The following TMEM63C variants were observed in gnomAD, a reference collection of about 807,000 sequenced individuals.
TMEM63C encodes osmosensitive cation channel TMEM63C.
In TMEM63C, 32 loss-of-function variants were observed where a neutral mutation model predicts 99.2. The ratio of observed to expected loss-of-function variants is 0.32; its 90% CI spans 0.24 to 0.43. The LOEUF is 0.43. TMEM63C is among the 20% of genes least tolerant of loss of function. The pLI is 1.00. For synonymous variants in TMEM63C, 376 were observed against 397.9 expected, an observed-to-expected ratio of 0.94 and a Z score of 0.66; for missense variants, 826 against 1,053.0, an observed-to-expected ratio of 0.78 and a Z score of 2.98.
chr14:77,239,858 C>T (rs1889134173), intron 12 of TMEM63C, 132 bp downstream of exon 12: 10 of 1,292,112 alleles, frequency 7.7e-6, no homozygotes, highest in Non-Finnish European at 1.0e-5. Context: ...CACCCAGCTC[C>T]TTCCTCCCCA....
intron 8 of TMEM63C, 91 bp downstream of exon 8, chr14:77,233,591 G>T: frequency 7.4e-7 from 1 of 1,356,554 alleles, no homozygotes. Flanking sequence ...CATGGGCAGC[G>T]TTTTGCTGAT....
rs1889471270 is a variant in TMEM63C, at chr14:77,256,797, G to C, written c.*71G>C. 16 of 1,495,120 alleles carry C rather than the reference G, an allele frequency of 1.1e-5. 1 individual carries two copies. The South Asian group carries it at 1.9e-4, about 18-fold the overall frequency. 92.6% of individuals were successfully genotyped at this position (1,495,120 alleles called of 1,614,324 possible). A position where few individuals can be genotyped will look rare whatever the true frequency, so the allele number is the denominator to read the frequency against. ...AGGGCCTGGCAAGGGGAGGCAGGAG[G>C]GTGGCCTGGACCTCCCCACTACCTC... is the stretch of plus-strand genomic sequence containing the variant. On this transcript the variant is annotated 3_prime_UTR_variant, in exon 24 of 24. Coordinates refer to ENST00000298351, the MANE Select transcript of TMEM63C (RefSeq NM_020431.4).
chr14:77,246,705 C>A, intron 18 of TMEM63C, 31 bp downstream of exon 18: 1 of 1,583,996 alleles, frequency 6.3e-7, no homozygotes, highest in South Asian at 1.1e-5. Flanking sequence ...ACCAGGGCTG[C>A]TGTGTGTGCA....
At chr14:77,218,192 T>G (rs1186702196) in intron 2 of TMEM63C, among the ~76,000 whole-genome samples, 1 of 141,588 alleles carries the variant, frequency 7.1e-6, no homozygotes, top group Non-Finnish European at 1.5e-5. Flanking sequence ...TCTCAGGTAC[T>G]CCATAAATAT....
At chr14:77,218,026 G>A (rs540557311) in intron 2 of TMEM63C, among the ~76,000 whole-genome samples, 1 of 152,196 alleles carries the variant, frequency 6.6e-6, no homozygotes, top group African/African-American at 2.4e-5. Context: ...TAGCACAACA[G>A]GGTGACTATA....
chr14:77,240,431 C>T (rs772886534), intron 12 of TMEM63C, 44 bp from the exon 13 acceptor site: 1 of 1,576,188 alleles, frequency 6.3e-7, no homozygotes, highest in Non-Finnish European at 8.6e-7. Context: ...GGGAGGCCTT[C>T]CTGGGGCTCT....
At position 77,233,921 on chromosome 14, in the gene TMEM63C, C is replaced by T. The variant is rs1488694219; in HGVS notation, c.542+421C>T. On this transcript the variant is annotated intron_variant, in intron 8 of 23. Transcript: ENST00000298351. ...CCCCCTCAGAGTCCCACAGCAGACTCGTGCCCCACCTCTGCCATTAACTGG... is the reference window on the plus strand; with the variant it reads ...CCCCCTCAGAGTCCCACAGCAGACTTGTGCCCCACCTCTGCCATTAACTGG... Among the ~76,000 whole-genome samples, 4 of 152,188 alleles carry T rather than the reference C, an allele frequency of 2.6e-5. 1 individual carries two copies. Among genetic ancestry groups the T allele is most frequent in the Non-Finnish European group, 4.4e-5 (3 of 68,028 alleles).
In TMEM63C at chr14:77,188,848, C is replaced by G. The variant is rs1248682813; in HGVS notation, c.-77+6954C>G. On this transcript the variant is annotated intron_variant, in intron 1 of 23. Transcript: ENST00000298351. Reference sequence around the variant, plus strand: ...GCCACTGCACTATAGCCTGGGCAACCAAACAGAAAAAAAAAGACAGACCTC... The same window carrying G: ...GCCACTGCACTATAGCCTGGGCAACGAAACAGAAAAAAAAAGACAGACCTC... Among the ~76,000 whole-genome samples, 3 of 75,726 alleles carry G rather than the reference C, an allele frequency of 4.0e-5. No homozygotes were observed. The South Asian group carries it at 2.0e-3, about 51-fold the overall frequency. 49.7% of individuals were successfully genotyped at this position (75,726 alleles called of 152,430 possible).
chr14:77,241,059 TC>T (rs1256426902), intron 13 of TMEM63C, among the ~76,000 whole-genome samples: 1 of 150,904 alleles, frequency 6.6e-6, no homozygotes, highest in Non-Finnish European at 1.5e-5. Flanking sequence ...CAAGCGATTC[TC>T]CTGCCTCAGC....
intron 12 of TMEM63C, 129 bp from the exon 13 acceptor site, chr14:77,240,346 G>A: frequency 9.2e-7 from 1 of 1,086,474 alleles, no homozygotes. Flanking sequence ...GGCCAGCCAG[G>A]GTCCTGGGCT....
chr14:77,218,868 G>A lies in TMEM63C; in HGVS notation c.55G>A (p.Val19Met). The A allele has an allele frequency of 6.2e-7, 1 of 1,613,716 alleles. No individual in the cohort carries two copies. Among genetic ancestry groups the A allele is most frequent in the African/African-American group, 1.3e-5 (1 of 75,080 alleles). ...AGGGGGAAGGTTACAGAACATGACA[G>A]TGGATGAATGCTTCCAGTCTCGGAA... ...STGGRLQNMT[V>M]DECFQSRNTV... The change falls in exon 3 of 24, where the codon GTG (valine) becomes ATG (methionine). Residue 19 changes from valine to methionine, a missense_variant. Val to Met is a conservative substitution (Grantham distance 21). Coordinates refer to ENST00000298351, the MANE Select transcript of TMEM63C (RefSeq NM_020431.4).
At position 77,199,392 on chromosome 14, in the gene TMEM63C, A is replaced by G. The variant is rs369454728; in HGVS notation, c.-76-14054A>G. Among the ~76,000 whole-genome samples, 36 of 152,294 alleles carry G rather than the reference A, an allele frequency of 2.4e-4. 1 individual carries two copies. Among genetic ancestry groups the G allele is most frequent in the East Asian group, 1.9e-3 (10 of 5,184 alleles). On this transcript the variant is annotated intron_variant, in intron 1 of 23. Transcript: ENST00000298351. Reference sequence around the variant, plus strand: ...AGTGCAAATCATTCAGCCGAGATTCAGGGCCTCATGATCTGGTCCCAACTT... The same window carrying G: ...AGTGCAAATCATTCAGCCGAGATTCGGGGCCTCATGATCTGGTCCCAACTT...
intron 5 of TMEM63C, among the ~76,000 whole-genome samples, chr14:77,220,869 G>T (rs116946248): frequency 3.9e-5 from 2 of 50,778 alleles, no homozygotes; most frequent in East Asian, 4.4e-4. Flanking sequence ...CTCACGCCCC[G>T]CCTCCCACTC....
At position 77,256,773 on chromosome 14, in the gene TMEM63C, G is replaced by A. The variant is rs1889470891; in HGVS notation, c.*47G>A. ...GGCGACTTGTTGAGGGGTCAGGGGA[G>A]GGCCTGGCAAGGGGAGGCAGGAGGG... On this transcript the variant is annotated 3_prime_UTR_variant, in exon 24 of 24. Transcript: ENST00000298351. 6.3e-7 allele frequency: 1 copy of A among 1,587,166 alleles called. No individual in the cohort carries two copies. The highest frequency in any genetic ancestry group is 1.1e-5 in the South Asian group (1 of 89,142).
At chr14:77,214,126 GC>G (rs1367243595) in intron 2 of TMEM63C, among the ~76,000 whole-genome samples, 2 of 151,956 alleles carry the variant, frequency 1.3e-5, no homozygotes, top group East Asian at 3.9e-4. Context: ...TTTCCATGGT[GC>G]CCCCTGGATC....
intron 1 of TMEM63C, among the ~76,000 whole-genome samples, chr14:77,196,407 G>T (rs1176575324): frequency 1.3e-5 from 2 of 152,240 alleles, no homozygotes; most frequent in Non-Finnish European, 2.9e-5. Context: ...CAGGAAAGGG[G>T]CAGAACGGCC....
intron 1 of TMEM63C, among the ~76,000 whole-genome samples, chr14:77,191,532 C>CTTTTTT (rs1888107205): frequency 1.1e-5 from 1 of 92,418 alleles, no homozygotes. Context: ...TTTCTTTTTT[C>CTTTTTT]TTTTTCTTTT....
intron 2 of TMEM63C, among the ~76,000 whole-genome samples, chr14:77,215,614 A>AAAAAAAGGAAAG (rs772701077): frequency 5.2e-5 from 4 of 76,528 alleles, no homozygotes; most frequent in African/African-American, 2.2e-4. Context: ...AAAAAAAAAA[A>AAAAAAAGGAAAG]AAAAGAAAAG....
intron 10 of TMEM63C, 93 bp from the exon 11 acceptor site, chr14:77,239,319 C>A: frequency 7.5e-7 from 1 of 1,331,700 alleles, no homozygotes; most frequent in Non-Finnish European, 1.1e-6. Flanking sequence ...AGCTGAGCCA[C>A]CCAGCCCTCA....
Sources: allele counts gnomAD v4.1 joint callset (sites outside exome capture counted in the v4.1 genomes callset), GRCh38; gene constraint gnomAD v4.1.1; transcripts MANE v1.5; gene names NCBI Gene and HGNC (gene_info 2026-07-23, HGNC 2026-07-21).